BRCA2: variants seen among roughly 807,000 people sequenced by gnomAD.
BRCA2 encodes breast cancer type 2 susceptibility protein.
Under a neutral mutation model 276.7 loss-of-function variants are expected in BRCA2, and 203 were observed. That is an observed-to-expected ratio of 0.73 (90% CI 0.65 to 0.82). The LOEUF (loss-of-function observed/expected upper bound fraction) is 0.82, where lower values mean the gene tolerates loss of function less well. Among genes scored for constraint, BRCA2 ranks in the 40% least tolerant of loss-of-function variants. The probability of loss-of-function intolerance (pLI) is 0.00; values close to 1 mark genes in which losing one functional copy is unlikely to be tolerated. For missense variants in BRCA2, 3,920 were observed against 3,915.0 expected (o/e 1.00, Z -0.03); for synonymous variants, 1,289 against 1,338.4 (o/e 0.96, Z 0.81).
At chr13:32,389,148 C>T (rs1427558866) in intron 24 of BRCA2, among the ~76,000 whole-genome samples, 3 of 152,078 alleles carry the variant, frequency 2.0e-5, no homozygotes, top group Non-Finnish European at 2.9e-5. Context: ...AATATTCTAC[C>T]ACTCTAAGTG....
intron 20 of BRCA2, among the ~76,000 whole-genome samples, chr13:32,376,083 A>T (rs964845097): frequency 2.0e-5 from 3 of 152,172 alleles, no homozygotes; most frequent in Non-Finnish European, 2.9e-5. Flanking sequence ...TTGTGTTTTT[A>T]AAAAAATGCA....
chr13:32,376,855 ACT>A (rs2072877545), intron 21 of BRCA2, 64 bp downstream of exon 21: 6 of 1,592,906 alleles, frequency 3.8e-6, no homozygotes, highest in East Asian at 2.3e-5. Context: ...GCTGTTTTAG[ACT>A]CTCTGGCCAT....
intron 7 of BRCA2, among the ~76,000 whole-genome samples, chr13:32,327,401 T>C (rs1163019215): frequency 2.6e-5 from 4 of 152,062 alleles, no homozygotes; most frequent in Non-Finnish European, 4.4e-5. Flanking sequence ...GAGCCGAGAT[T>C]GTGCCACTGC....
At position 32,333,013 on chromosome 13, in the gene BRCA2, C is replaced by T. The variant is rs1184226464; in HGVS notation, c.1535C>T (p.Pro512Leu). The T allele has an allele frequency of 6.3e-7, 1 of 1,596,072 alleles. No individual in the cohort carries two copies. Among genetic ancestry groups the T allele is most frequent in the Non-Finnish European group, 8.5e-7 (1 of 1,175,334 alleles). The change falls in exon 10 of 27, where the codon CCT (proline) becomes CTT (leucine). Residue 512 changes from proline to leucine, a missense_variant. Pro to Leu is a moderately conservative substitution (Grantham distance 98). Coordinates refer to ENST00000380152, the MANE Select transcript of BRCA2 (RefSeq NM_000059.4). ...KKSIFRIRES[P>L]KETFNASFSG... is the part of the protein sequence containing the mutation. ...TCTATATTCAGAATAAGAGAATCAC[C>T]TAAAGAGACTTTCAATGCAAGTTTT...
rs1217969055 is a variant in BRCA2, at chr13:32,380,026, T to G, written c.9137T>G (p.Phe3046Cys). ...CTGTAGGTTTCAGATGAAATTTTAT[T>G]TCAGATTTACCAGCCACGGGAGCCC... ...QQLPVSDEIL[F>C]QIYQPREPLH... The change falls in exon 24 of 27, where the codon TTT becomes TGT. Residue 3046 changes from phenylalanine to cysteine, a missense_variant. Physicochemically the swap from Phe to Cys is radical, Grantham distance 205. Coordinates refer to ENST00000380152, the MANE Select transcript of BRCA2 (RefSeq NM_000059.4). 1.2e-6 allele frequency: 2 copies of G among 1,614,090 alleles called. No homozygotes were observed. The highest frequency in any genetic ancestry group is 2.2e-5 in the East Asian group (1 of 44,854).
intron 16 of BRCA2, among the ~76,000 whole-genome samples, chr13:32,359,829 G>A (rs561377600): frequency 6.6e-6 from 1 of 152,274 alleles, no homozygotes; most frequent in Admixed American, 6.5e-5. Context: ...AGTTTTTTCT[G>A]ATAATTCAGC....
At position 32,397,060 on chromosome 13, in the gene BRCA2, C is replaced by G. The variant is rs779920092; in HGVS notation, c.9648+16C>G. ...CAAGCTTCTGGTAAGTTAATGTAAA[C>G]TCAAGGAATATTATAAGAAGTATAT... is the stretch of plus-strand genomic sequence containing the variant. On this transcript the variant is annotated intron_variant, in intron 26 of 26. Coordinates refer to ENST00000380152, the MANE Select transcript of BRCA2 (RefSeq NM_000059.4). The G allele has an allele frequency of 6.2e-7, 1 of 1,610,684 alleles. No homozygotes were observed. The highest frequency in any genetic ancestry group is 8.5e-7 in the Non-Finnish European group (1 of 1,177,012).
In BRCA2 at chr13:32,338,058, C is replaced by T. The variant is rs1555283366; in HGVS notation, c.3703C>T (p.Gln1235Ter). Reference protein sequence around the residue: ...TKLNVSTEALQKAVKLFSDIE... With the variant: ...TKLNVSTEAL ...ACTGAATGTTTCTACTGAAGCTCTG[C>T]AAAAAGCTGTGAAACTGTTTAGTGA... is the stretch of plus-strand genomic sequence containing the variant. The change falls in exon 11 of 27, where the codon CAA becomes TAA. Residue 1235 changes from glutamine (Q) to a stop codon, truncating the protein, a stop_gained. Transcript: ENST00000380152. LOFTEE classifies it high-confidence loss of function. 6.2e-7 allele frequency: 1 copy of T among 1,610,492 alleles called. No homozygotes were observed. Among genetic ancestry groups the T allele is most frequent in the Non-Finnish European group, 8.5e-7 (1 of 1,178,564 alleles).
chr13:32,370,081 G>T (rs2072816658), intron 18 of BRCA2, among the ~76,000 whole-genome samples: 1 of 152,024 alleles, frequency 6.6e-6, no homozygotes, highest in Non-Finnish European at 1.5e-5. Context: ...TAGATTTTTT[G>T]AGGAAGCTTG....
Position 32,346,830 on chromosome 13 carries a change from CAATA to C in BRCA2, c.6944_6947del (p.Ile2315LysfsTer12), listed in dbSNP as rs80359629. The C allele has an allele frequency of 1.9e-6, 3 of 1,605,434 alleles. No homozygotes were observed. The highest frequency in any genetic ancestry group is 2.6e-6 in the Non-Finnish European group (3 of 1,174,322). The stretch of plus-strand genomic sequence containing the variant: ...ATATAAAATAATTGTTTCCTAGGCA[CAATA>C]AAAGATCGAAGATTGTTTATGCATC... On this transcript the variant is annotated frameshift_variant, in exon 13 of 27. Transcript: ENST00000380152. LOFTEE classifies it high-confidence loss of function.
At chr13:32,316,348 T>C in intron 1 of BRCA2, 74 bp from the exon 2 acceptor site, 1 of 948,640 alleles carries the variant, frequency 1.1e-6, no homozygotes, top group East Asian at 2.6e-5. Context: ...TTTCCAGCGC[T>C]TCTGAGTTTT....
chr13:32,377,334 A>G (rs982335052), intron 21 of BRCA2, among the ~76,000 whole-genome samples: 6 of 152,138 alleles, frequency 3.9e-5, no homozygotes, highest in Admixed American at 6.6e-5. Flanking sequence ...GCTCACGCCT[A>G]TAATCCCAGC....
rs914249302 is a variant in BRCA2 at position 32,319,442 on chromosome 13, G to C, written c.316+117G>C. The C allele has an allele frequency of 5.6e-6, 6 of 1,068,142 alleles. No homozygotes were observed. The African/African-American group carries it at 6.4e-5, about 11-fold the overall frequency. 66.2% of individuals were successfully genotyped at this position (1,068,142 alleles called of 1,614,324 possible). A position where few individuals can be genotyped will look rare whatever the true frequency, so the allele number is the denominator to read the frequency against. The stretch of plus-strand genomic sequence containing the variant: ...TCATGCTGGGCAAATCAGTCTCTCT[G>C]GCCTCTTTTTCCTCACTCGAAAAAT... On this transcript the variant is annotated intron_variant, in intron 3 of 26. Coordinates refer to ENST00000380152, the MANE Select transcript of BRCA2 (RefSeq NM_000059.4).
At chr13:32,322,673 A>G (rs1360377085) in intron 3 of BRCA2, among the ~76,000 whole-genome samples, 2 of 152,252 alleles carry the variant, frequency 1.3e-5, no homozygotes, top group Non-Finnish European at 2.9e-5. Flanking sequence ...AACATGTCAC[A>G]GTGCTGCAGA....
Position 32,400,233 on chromosome 13 carries a change from C to G in BRCA2, c.*1463C>G, listed in dbSNP as rs206346. 6.6e-6 allele frequency: 1 copy of G among 152,138 alleles called. No homozygotes were observed. Among genetic ancestry groups the G allele is most frequent in the African/African-American group, 2.4e-5 (1 of 41,428 alleles). 9.4% of individuals were successfully genotyped at this position (152,138 alleles called of 1,614,324 possible). A position where few individuals can be genotyped will look rare whatever the true frequency, so the allele number is the denominator to read the frequency against. Reference sequence around the variant, plus strand: ...ATGTTTTCAAATCTAATTATAAATACGTTTAAAGCCAAGAATAAATCTTTT... The same window carrying G: ...ATGTTTTCAAATCTAATTATAAATAGGTTTAAAGCCAAGAATAAATCTTTT... On this transcript the variant is annotated 3_prime_UTR_variant, in exon 27 of 27. Transcript: ENST00000380152.
intron 16 of BRCA2, among the ~76,000 whole-genome samples, chr13:32,358,887 T>C (rs984110498): frequency 4.0e-5 from 6 of 151,008 alleles, no homozygotes; most frequent in Non-Finnish European, 8.8e-5. Flanking sequence ...TGAGCCAAGA[T>C]CACGCCACTG....
Position 32,346,834 on chromosome 13 carries a change from A to C in BRCA2, c.6945A>C (p.Ile2315=). 6.2e-7 allele frequency: 1 copy of C among 1,606,946 alleles called. No homozygotes were observed. Among genetic ancestry groups the C allele is most frequent in the Admixed American group, 1.7e-5 (1 of 59,878 alleles). Residue 2315 remains isoleucine, a synonymous_variant, in exon 13 of 27, where the codon ATA becomes ATC. Coordinates refer to ENST00000380152, the MANE Select transcript of BRCA2 (RefSeq NM_000059.4). The stretch of plus-strand genomic sequence containing the variant: ...AAAATAATTGTTTCCTAGGCACAAT[A>C]AAAGATCGAAGATTGTTTATGCATC... ...KASKSTPDGT[I]KDRRLFMHHV... is the part of the protein sequence containing the mutation.
intron 11 of BRCA2, among the ~76,000 whole-genome samples, chr13:32,343,363 A>C (rs1212952154): frequency 6.6e-6 from 1 of 152,146 alleles, no homozygotes; most frequent in South Asian, 2.1e-4. Flanking sequence ...ATAAACTCAT[A>C]AAAATATTTT....
Position 32,339,011 on chromosome 13 carries a change from T to C in BRCA2, c.4656T>C (p.Gly1552=), listed in dbSNP as rs41293491. 281 of 1,613,848 alleles carry C rather than the reference T, an allele frequency of 1.7e-4. No homozygotes were observed. The highest frequency in any genetic ancestry group is 2.2e-4 in the Non-Finnish European group (262 of 1,179,934). The part of the protein sequence containing the change: ...VKNLFDEKEQ[G]TSEITSFSHQ... The stretch of plus-strand genomic sequence containing the variant: ...ACCTTTTTGATGAAAAAGAGCAAGG[T>C]ACTAGTGAAATCACCAGTTTTAGCC... The change falls in exon 11 of 27, where the codon GGT becomes GGC. Residue 1552 remains glycine (G), a synonymous_variant. Coordinates refer to ENST00000380152, the MANE Select transcript of BRCA2 (RefSeq NM_000059.4).
Sources: allele counts gnomAD v4.1 joint callset (sites outside exome capture counted in the v4.1 genomes callset), GRCh38; gene constraint gnomAD v4.1.1; transcripts MANE v1.5; gene names NCBI Gene and HGNC (gene_info 2026-07-23, HGNC 2026-07-21).